The following LARP4B variants were observed in gnomAD, a reference collection of about 807,000 sequenced individuals.
LARP4B encodes La ribonucleoprotein 4B.
Under a neutral mutation model 89.8 loss-of-function variants are expected in LARP4B, and 12 were observed. That is an observed-to-expected ratio of 0.13 (90% CI 0.09 to 0.22). LARP4B has a LOEUF of 0.22. LARP4B is among the 10% of genes least tolerant of loss of function. The pLI is 1.00. For synonymous variants in LARP4B, 367 were observed against 363.3 expected, an observed-to-expected ratio of 1.01 and a Z score of -0.12; for missense variants, 757 against 947.7, an observed-to-expected ratio of 0.80 and a Z score of 2.64.
chr10:844,793 CA>C (rs758761582), intron 6 of LARP4B, among the ~76,000 whole-genome samples, 183 bp downstream of exon 6: 1 of 152,014 alleles, frequency 6.6e-6, no homozygotes, highest in Non-Finnish European at 1.5e-5. Flanking sequence ...GGACCACAGA[CA>C]TGAAGGTTAC....
intron 1 of LARP4B, 100 bp from the exon 2 acceptor site, chr10:885,860 C>A (rs565146095): frequency 1.7e-6 from 1 of 574,262 alleles, no homozygotes; most frequent in Admixed American, 3.5e-5. Context: ...ACACGTTTAT[C>A]CCTCTGAATT....
intron 1 of LARP4B, among the ~76,000 whole-genome samples, chr10:889,810 C>G (rs1014688423): frequency 6.6e-6 from 1 of 152,062 alleles, no homozygotes; most frequent in Non-Finnish European, 1.5e-5. Flanking sequence ...GGTGTGGTGG[C>G]GGGTGCCTGT....
chr10:945,645 G>A, the LARP4B span, among the ~76,000 whole-genome samples: 3 of 146,234 alleles, frequency 2.1e-5, no homozygotes, highest in South Asian at 2.2e-4. Flanking sequence ...CCAGGATCAC[G>A]CCACTGCACT....
At chr10:827,003 A>G (rs553374127) in intron 11 of LARP4B, among the ~76,000 whole-genome samples, 102 of 152,346 alleles carry the variant, frequency 6.7e-4, no homozygotes, top group South Asian at 5.0e-3. Flanking sequence ...GGCCGGGCGC[A>G]GTGGCTCATG....
chr10:950,293 A>G, the LARP4B span, among the ~76,000 whole-genome samples: 1 of 152,160 alleles, frequency 6.6e-6, no homozygotes, highest in African/African-American at 2.4e-5. Context: ...TGATGCTGGT[A>G]AGCAATCTTA....
chr10:858,275 G>T (rs1834409576), intron 5 of LARP4B, among the ~76,000 whole-genome samples: 1 of 152,014 alleles, frequency 6.6e-6, no homozygotes, highest in Non-Finnish European at 1.5e-5. Flanking sequence ...TTTTTAACAG[G>T]CGTGCCACGA....
At chr10:847,587 T>C (rs1326236536) in intron 5 of LARP4B, among the ~76,000 whole-genome samples, 1 of 152,018 alleles carries the variant, frequency 6.6e-6, no homozygotes, top group Non-Finnish European at 1.5e-5. Context: ...AGCGCGATCT[T>C]GCAACCTTGG....
the LARP4B span, among the ~76,000 whole-genome samples, chr10:973,313 T>G: frequency 2.0e-5 from 3 of 152,134 alleles, no homozygotes; most frequent in South Asian, 6.2e-4. Flanking sequence ...ACAACAACCA[T>G]TCAGTTCTCA....
the LARP4B span, among the ~76,000 whole-genome samples, chr10:943,590 G>C: frequency 3.3e-5 from 5 of 152,170 alleles, no homozygotes; most frequent in African/African-American, 1.2e-4. Context: ...CCACCACATA[G>C]GGCCAGTTTT....
At chr10:933,156 G>A (rs988207737), upstream of LARP4B, 2 of 152,216 alleles carry the variant, frequency 1.3e-5, no homozygotes, top group Non-Finnish European at 2.9e-5. Context: ...TGATTTTCTG[G>A]TTTCTGCTCT....
chr10:821,292 T>C (rs1035305807), intron 13 of LARP4B, among the ~76,000 whole-genome samples: 2 of 152,214 alleles, frequency 1.3e-5, no homozygotes, highest in African/African-American at 4.8e-5. Context: ...GTCCCATCCC[T>C]TCCTCTGCCC....
chr10:849,592 A>T lies in LARP4B; in HGVS notation c.431-4537T>A, dbSNP rs146435346. ...AAGATTCGTGTCCTCATGGAGGGGG[A>T]CCATAAATCCCCAACTCCTTAAGTG... is the stretch of plus-strand genomic sequence containing the variant. On this transcript the variant is annotated intron_variant, in intron 5 of 17. Coordinates refer to ENST00000316157, the MANE Select transcript of LARP4B (RefSeq NM_015155.3). Among the ~76,000 whole-genome samples the T allele has an allele frequency of 6.6e-5, 10 of 152,296 alleles. No homozygotes were observed. The East Asian group carries it at 1.9e-3, about 29-fold the overall frequency.
intron 5 of LARP4B, among the ~76,000 whole-genome samples, chr10:861,400 T>C (rs1272924660): frequency 6.6e-6 from 1 of 152,206 alleles, no homozygotes; most frequent in Non-Finnish European, 1.5e-5. Flanking sequence ...TGATGTTTAT[T>C]GTACATCGGT....
In LARP4B at chr10:812,903, G is replaced by A. The variant is rs762762869; in HGVS notation, c.*23C>T. The A allele has an allele frequency of 7.3e-6, 11 of 1,515,888 alleles. No individual in the cohort carries two copies. The highest frequency in any genetic ancestry group is 1.4e-5 in the African/African-American group (1 of 71,460). 93.9% of individuals were successfully genotyped at this position (1,515,888 alleles called of 1,614,324 possible). A position where few individuals can be genotyped will look rare whatever the true frequency, so the allele number is the denominator to read the frequency against. On this transcript the variant is annotated 3_prime_UTR_variant, in exon 18 of 18. Transcript: ENST00000316157. ...GTTTGTGGTTAACACAGCGCTCTGCGACCCCTCCCAGACGTACGGTTTTCA... is the reference window on the plus strand; with the variant it reads ...GTTTGTGGTTAACACAGCGCTCTGCAACCCCTCCCAGACGTACGGTTTTCA...
intron 3 of LARP4B, among the ~76,000 whole-genome samples, chr10:878,551 G>A (rs1453057512): frequency 1.3e-5 from 2 of 152,274 alleles, no homozygotes; most frequent in Admixed American, 6.5e-5. Flanking sequence ...GAAAATTGCT[G>A]TTTCAGGATC....
At chr10:882,168 C>T (rs1258622024) in intron 3 of LARP4B, among the ~76,000 whole-genome samples, 1 of 151,948 alleles carries the variant, frequency 6.6e-6, no homozygotes, top group East Asian at 1.9e-4. Context: ...GTGATGATTA[C>T]ACAACTCAGT....
At chr10:975,954 C>T in the LARP4B span, among the ~76,000 whole-genome samples, 7 of 142,438 alleles carry the variant, frequency 4.9e-5, no homozygotes, top group African/African-American at 1.1e-4. Flanking sequence ...TGTCGTGCAA[C>T]GTGTGGACCC....
At chr10:842,624 T>C (rs1833578724) in intron 7 of LARP4B, among the ~76,000 whole-genome samples, 2 of 152,208 alleles carry the variant, frequency 1.3e-5, no homozygotes, top group African/African-American at 4.8e-5. Flanking sequence ...ACTATAAATG[T>C]TATTTTTATT....
chr10:848,867 T>G (rs1282763456), intron 5 of LARP4B, among the ~76,000 whole-genome samples: 1 of 152,294 alleles, frequency 6.6e-6, no homozygotes, highest in African/African-American at 2.4e-5. Context: ...CGCCATGACA[T>G]GGACAAACAC....
Sources: gnomAD v4.1 joint callset for allele counts (sites outside exome capture counted in the v4.1 genomes callset) on GRCh38, gnomAD v4.1.1 for gene constraint, MANE v1.5 for transcripts, NCBI Gene and HGNC (gene_info 2026-07-23, HGNC 2026-07-21) for gene names.